The following LPXN variants were observed in gnomAD, a reference collection of about 807,000 sequenced individuals.
LPXN encodes the protein leupaxin.
LPXN carries 28 observed loss-of-function variants against 45.6 expected under a neutral mutation model. That is an observed-to-expected ratio of 0.61 (90% CI 0.45 to 0.84). The LOEUF (loss-of-function observed/expected upper bound fraction) is 0.84, where lower values mean the gene tolerates loss of function less well. Among genes scored for constraint, LPXN ranks in the 40% least tolerant of loss-of-function variants. LPXN has a pLI of 0.00. For missense variants in LPXN, 459 were observed against 475.0 expected, an observed-to-expected ratio of 0.97 and a Z score of 0.31; for synonymous variants, 166 against 169.9, an observed-to-expected ratio of 0.98 and a Z score of 0.18.
At chr11:58,536,145 A>G (rs1036149662) in intron 7 of LPXN, among the ~76,000 whole-genome samples, 1 of 152,212 alleles carries the variant, frequency 6.6e-6, no homozygotes, top group African/African-American at 2.4e-5. Flanking sequence ...TCTTCATAGA[A>G]TTAGAAAAAA....
chr11:58,552,646 CTGTTA>C (rs1854084883), intron 4 of LPXN, among the ~76,000 whole-genome samples: 2 of 152,166 alleles, frequency 1.3e-5, no homozygotes. Flanking sequence ...CTTTTACTGC[CTGTTA>C]TAACATCACA....
At position 58,549,664 on chromosome 11, in the gene LPXN, T is replaced by G. The variant is rs750727757; in HGVS notation, c.742+122A>C. On this transcript the variant is annotated intron_variant, in intron 7 of 8. Coordinates refer to ENST00000395074, the MANE Select transcript of LPXN (RefSeq NM_004811.3). Reference sequence around the variant, plus strand: ...GGTAGGGAGGGATGGTATCTAGTACTGAAATGGGCACTTTGATAGTACTGA... The same window carrying G: ...GGTAGGGAGGGATGGTATCTAGTACGGAAATGGGCACTTTGATAGTACTGA... 4.4e-5 allele frequency: 31 copies of G among 706,584 alleles called. No homozygotes were observed. The African/African-American group carries it at 4.4e-4, about 10-fold the overall frequency. 43.8% of individuals were successfully genotyped at this position (706,584 alleles called of 1,614,324 possible). A position where few individuals can be genotyped will look rare whatever the true frequency, so the allele number is the denominator to read the frequency against.
intron 5 of LPXN, among the ~76,000 whole-genome samples, chr11:58,550,698 G>A (rs1175748987): frequency 3.3e-5 from 5 of 152,220 alleles, no homozygotes; most frequent in Admixed American, 6.5e-5. Context: ...AAAGGGAGCA[G>A]TGAGAAAGGT....
At chr11:58,543,737 G>T (rs1853798816) in intron 7 of LPXN, among the ~76,000 whole-genome samples, 2 of 152,252 alleles carry the variant, frequency 1.3e-5, no homozygotes, top group Middle Eastern at 6.8e-3. Context: ...GGAACTGACA[G>T]TATCAGCTGA....
chr11:58,572,848 G>C (rs934433645), intron 1 of LPXN, among the ~76,000 whole-genome samples: 3 of 152,152 alleles, frequency 2.0e-5, no homozygotes, highest in Non-Finnish European at 2.9e-5. Flanking sequence ...GACTGATGAA[G>C]AACTGATTGT....
intron 7 of LPXN, among the ~76,000 whole-genome samples, chr11:58,529,469 G>C (rs1454528900): frequency 6.6e-6 from 1 of 151,926 alleles, no homozygotes; most frequent in East Asian, 1.9e-4. Context: ...AATTAGCCAG[G>C]TGTGGTGGCG....
chr11:58,554,423 C>A lies in LPXN; in HGVS notation c.318+418G>T, dbSNP rs551559297. On this transcript the variant is annotated intron_variant, in intron 4 of 8. Coordinates refer to ENST00000395074, the MANE Select transcript of LPXN (RefSeq NM_004811.3). Reference sequence around the variant, plus strand: ...CAACTAAAACCACCTTTCTTCCCATCTCTTTATGTCCAAACTCTGCCAGTT... The same window carrying A: ...CAACTAAAACCACCTTTCTTCCCATATCTTTATGTCCAAACTCTGCCAGTT... 1.9e-4 allele frequency among the ~76,000 whole-genome samples: 29 copies of A among 152,298 alleles called. No homozygotes were observed. The South Asian group carries it at 6.0e-3, about 32-fold the overall frequency.
At chr11:58,578,213 C>G (rs2510556), upstream of LPXN, 2 of 852,626 alleles carry the variant, frequency 2.3e-6, no homozygotes, top group Admixed American at 6.5e-5. Context: ...ACGCTTGAGC[C>G]CGGATGTACG....
In LPXN at chr11:58,531,660, T is replaced by A. The variant is rs139232097; in HGVS notation, c.743-3469A>T. On this transcript the variant is annotated intron_variant, in intron 7 of 8. Coordinates refer to ENST00000395074, the MANE Select transcript of LPXN (RefSeq NM_004811.3). ...CAGGATATTATCCAGGAGAACTTCC[T>A]CAACCTAGCAAGACAGGCCAACATT... 1.8e-3 allele frequency among the ~76,000 whole-genome samples: 273 copies of A among 152,234 alleles called. 5 individuals are homozygous for A. The East Asian group carries it at 0.049, about 27-fold the overall frequency.
At chr11:58,550,941 TGTAA>T (rs928918899) in intron 5 of LPXN, 120 bp downstream of exon 5, 25 of 880,416 alleles carry the variant, frequency 2.8e-5, no homozygotes, top group African/African-American at 2.8e-4. Flanking sequence ...GCCAGAGCAC[TGTAA>T]GTGATTAGTA....
chr11:58,528,152 T>A lies in LPXN; in HGVS notation c.782A>T (p.Asp261Val). 1.2e-6 allele frequency: 2 copies of A among 1,614,152 alleles called. No individual in the cohort carries two copies. Among genetic ancestry groups the A allele is most frequent in the Non-Finnish European group, 1.7e-6 (2 of 1,180,020 alleles). The change falls in exon 8 of 9, where the codon GAT (aspartate) becomes GTT (valine). Residue 261 changes from aspartate (D) to valine (V), a missense_variant. Asp to Val is a radical substitution (Grantham distance 152, BLOSUM62 -3). Transcript: ENST00000395074. The stretch of plus-strand genomic sequence containing the variant: ...CTTGGGTGAGAACATGGCTAAGAAA[T>A]CCTTTCGGCAATATGGCTTCTTGTC... ...EKDKKPYCRKDFLAMFSPKCG... is the reference protein window; with the variant it reads ...EKDKKPYCRKVFLAMFSPKCG...
upstream of LPXN, chr11:58,578,034 A>G (rs1162263027): frequency 6.4e-7 from 1 of 1,551,050 alleles, no homozygotes; most frequent in Non-Finnish European, 8.7e-7. Flanking sequence ...GACGAGATCA[A>G]TAATGTAGAC....
chr11:58,550,148 T>C lies in LPXN; in HGVS notation c.487-2A>G, dbSNP rs753772198. 1.3e-5 allele frequency: 21 copies of C among 1,610,386 alleles called. No individual in the cohort carries two copies. Among genetic ancestry groups the C allele is most frequent in the Non-Finnish European group, 1.7e-5 (20 of 1,176,908 alleles). On this transcript the variant is annotated splice_acceptor_variant, in intron 5 of 8. Coordinates refer to ENST00000395074, the MANE Select transcript of LPXN (RefSeq NM_004811.3). LOFTEE classifies it high-confidence loss of function. ...TGATTGCCCTAGAGCATGGATCACC[T>C]GTGGAGTGAAATAAAGCCTGACACA...
At chr11:58,549,361 G>A (rs7108127) in intron 7 of LPXN, among the ~76,000 whole-genome samples, 4,028 of 152,154 alleles carry the variant, frequency 0.026, 180 homozygotes, top group African/African-American at 0.092. Flanking sequence ...ACCAGAGATC[G>A]CACCACTGCA....
chr11:58,564,282 T>C (rs773014113), intron 2 of LPXN, 81 bp from the exon 3 acceptor site: 43 of 874,468 alleles, frequency 4.9e-5, no homozygotes, highest in Middle Eastern at 2.2e-4. Flanking sequence ...TACCCACAGT[T>C]AATAGATGTT....
At chr11:58,557,714 A>T (rs182911152) in intron 3 of LPXN, among the ~76,000 whole-genome samples, 16 of 152,318 alleles carry the variant, frequency 1.1e-4, no homozygotes, top group African/African-American at 3.8e-4. Context: ...TCTTGCCACA[A>T]AAACAAACAA....
At chr11:58,555,949 A>G (rs986547936) in intron 3 of LPXN, among the ~76,000 whole-genome samples, 6 of 152,166 alleles carry the variant, frequency 3.9e-5, no homozygotes, top group Admixed American at 1.3e-4. Context: ...ATAAATGCAT[A>G]AATTAGTGAA....
upstream of LPXN, chr11:58,576,001 T>C (rs1854879294): frequency 5.9e-6 from 8 of 1,349,892 alleles, no homozygotes; most frequent in East Asian, 8.1e-5. Flanking sequence ...GAAAGGTAGA[T>C]AGTAAGATTT....
At chr11:58,575,858 G>A (rs531074870), upstream of LPXN, 4 of 1,613,736 alleles carry the variant, frequency 2.5e-6, no homozygotes, top group South Asian at 3.3e-5. Context: ...AAAGGAACTG[G>A]ATGAGACAGC....
Sources: allele counts gnomAD v4.1 joint callset (sites outside exome capture counted in the v4.1 genomes callset), GRCh38; gene constraint gnomAD v4.1.1; transcripts MANE v1.5; gene names NCBI Gene and HGNC (gene_info 2026-07-23, HGNC 2026-07-21).